Variants in CLUH observed in about 807,000 individuals in gnomAD.
CLUH encodes CLUH binding protein of NUMT mRNA.
In CLUH, 77 loss-of-function variants were observed where a neutral mutation model predicts 139.3. That is an observed-to-expected ratio of 0.55 (90% confidence interval 0.46 to 0.67). The LOEUF is 0.67. Among genes scored for constraint, CLUH ranks in the 30% least tolerant of loss-of-function variants. The pLI, the probability that CLUH is intolerant of heterozygous loss-of-function variation, is 0.00. For synonymous variants in CLUH, 999 were observed against 801.6 expected, an observed-to-expected ratio of 1.25 and a Z score of -4.16; for missense variants, 1,876 against 1,875.8, an observed-to-expected ratio of 1.00 and a Z score of 0.00.
intron 17 of CLUH, 40 bp downstream of exon 17, chr17:2,694,434 GGGGACA>G (rs1567581178): frequency 5.2e-5 from 4 of 77,548 alleles, no homozygotes; most frequent in Admixed American, 6.0e-4. Flanking sequence ...GGGACGCAGC[GGGGACA>G]CAGCGGGGAC....
At position 2,704,010 on chromosome 17, in the gene CLUH, C is replaced by A. The variant is rs1049643211; in HGVS notation, c.303+352G>T. ...GGAGATAACCCAATACTACCCTCCC[C>A]TCTGGCAGATGGTAAAATCACGGCC... On this transcript the variant is annotated intron_variant, in intron 2 of 25. Coordinates refer to ENST00000651024, the MANE Select transcript of CLUH (RefSeq NM_001366661.1). The surrounding 1 kb of genome is among the most constrained non-coding windows in gnomAD (Gnocchi z 5.7). Among the ~76,000 whole-genome samples the A allele has an allele frequency of 6.6e-6, 1 of 152,182 alleles. No individual in the cohort carries two copies. The highest frequency in any genetic ancestry group is 2.4e-5 in the African/African-American group (1 of 41,436).
rs766358416 is a variant in CLUH at position 2,692,825 on chromosome 17, G to A, written c.3267C>T (p.Ser1089=). ...GGTGCTCGGTGCCCATCACCCGCTCGCTCATCAGCACCGCCTTCTGCTGGT... is the reference window on the plus strand; with the variant it reads ...GGTGCTCGGTGCCCATCACCCGCTCACTCATCAGCACCGCCTTCTGCTGGT... ...LSNQQKAVLM[S]ERVMGTEHPN... is the part of the protein sequence containing the mutation. The change falls in exon 20 of 26, where the codon AGC becomes AGT. Residue 1089 remains serine, a synonymous_variant. Transcript: ENST00000651024. The A allele has an allele frequency of 2.2e-5, 35 of 1,603,734 alleles. No individual in the cohort carries two copies. Among genetic ancestry groups the A allele is most frequent in the South Asian group, 2.1e-4 (19 of 90,148 alleles).
intron 1 of CLUH, chr17:2,708,007 A>G (rs1371747699): frequency 1.0e-6 from 1 of 985,228 alleles, no homozygotes; most frequent in Non-Finnish European, 1.2e-6. Context: ...CGGCTCTGCC[A>G]GGAGGGAACC....
At chr17:2,692,988 C>T (rs972853290) in intron 19 of CLUH, 128 bp from the exon 20 acceptor site, 24 of 835,476 alleles carry the variant, frequency 2.9e-5, no homozygotes, top group Non-Finnish European at 4.2e-5. Context: ...GCGCCCAGCA[C>T]AGTGCAGCAG....
Position 2,691,998 on chromosome 17 carries a change from G to A in CLUH, c.3654+6C>T, listed in dbSNP as rs1007844824. 3 of 1,332,918 alleles carry A rather than the reference G, an allele frequency of 2.3e-6. No individual in the cohort carries two copies. Among genetic ancestry groups the A allele is most frequent in the Non-Finnish European group, 2.0e-6 (2 of 998,648 alleles). The allele number at this position is 1,332,918 out of a possible 1,614,324, so 82.6% of individuals were successfully genotyped here. A position where few individuals can be genotyped will look rare whatever the true frequency, so the allele number is the denominator to read the frequency against. On this transcript the variant is annotated splice_donor_region_variant and intron_variant, in intron 23 of 25. Coordinates refer to ENST00000651024, the MANE Select transcript of CLUH (RefSeq NM_001366661.1). ...CCCCCGCCCCCGCCACGCCCCCGCC[G>A]CGCACCTGCGTCTTGTAGATGGTGT...
At chr17:2,709,010 G>A (rs1219775936) in intron 1 of CLUH, among the ~76,000 whole-genome samples, 2 of 152,218 alleles carry the variant, frequency 1.3e-5, no homozygotes, top group South Asian at 2.1e-4. Flanking sequence ...CAGAGCGGGA[G>A]AGCCGTGCCC....
chr17:2,708,069 C>A (rs982521564), intron 1 of CLUH: 1 of 934,674 alleles, frequency 1.1e-6, no homozygotes, highest in Admixed American at 6.2e-5. Flanking sequence ...AGTGGCCGCA[C>A]GGCGGGGGAG....
chr17:2,694,530 G>A lies in CLUH; in HGVS notation c.2887C>T (p.Leu963=). The A allele has an allele frequency of 6.3e-7, 1 of 1,583,346 alleles. No homozygotes were observed. The highest frequency in any genetic ancestry group is 8.6e-7 in the Non-Finnish European group (1 of 1,165,230). Residue 963 remains leucine (L), a synonymous_variant, in exon 17 of 26, where the codon CTG becomes TTG. Coordinates refer to ENST00000651024, the MANE Select transcript of CLUH (RefSeq NM_001366661.1). ...TCCCGCAGGAGCGTTATCTTCTGCA[G>A]GCCGTAGGTCTCCACAGCCTGGTCC... is the stretch of plus-strand genomic sequence containing the variant. ...TVDQAVETYG[L]QKITLLREIS...
In CLUH at chr17:2,698,311, G is replaced by A; in HGVS notation, c.1546C>T (p.Arg516Cys). The A allele has an allele frequency of 6.2e-7, 1 of 1,612,706 alleles. No homozygotes were observed. ...YTLGTVVVDY[R>C]GYRVTAQSII... ...GACTGGGCCGTGACCCGGTAGCCGC[G>A]GTAATCCACCACCACCGTGCCCAGC... The change falls in exon 10 of 26, where the codon CGC (arginine) becomes TGC (cysteine). Residue 516 changes from arginine to cysteine, a missense_variant. This residue lies in a region of CLUH where 1,454 missense variants were observed against 1,384.4 expected (regional missense o/e 1.05). Transcript: ENST00000651024.
In CLUH at chr17:2,698,548, C is replaced by T. The variant is rs780236660; in HGVS notation, c.1309G>A (p.Ala437Thr). The T allele has an allele frequency of 6.2e-7, 1 of 1,610,550 alleles. No homozygotes were observed. The highest frequency in any genetic ancestry group is 1.1e-5 in the South Asian group (1 of 90,808). Residue 437 changes from alanine (A) to threonine (T), a missense_variant, in exon 10 of 26, where the codon GCC (alanine) becomes ACC (threonine). Ala to Thr is a moderately conservative substitution (Grantham distance 58). Coordinates refer to ENST00000651024, the MANE Select transcript of CLUH (RefSeq NM_001366661.1). ...GCCATCACGTTGCCGTCAATGACGG[C>T]CATGGCGCCCCTGGTGGCTGCCGCG... ...FTAAATRGAM[A>T]VIDGNVMAIN...
intron 1 of CLUH, chr17:2,711,301 C>T (rs1436247891): frequency 2.0e-5 from 3 of 152,180 alleles, no homozygotes; most frequent in South Asian, 2.1e-4. Flanking sequence ...GCGCACGTGT[C>T]CCCGCGATGA....
intron 7 of CLUH, 151 bp from the exon 8 acceptor site, chr17:2,700,976 GCGGCTGCTGTC>G: frequency 7.0e-7 from 1 of 1,432,908 alleles, no homozygotes; most frequent in Non-Finnish European, 9.3e-7. Flanking sequence ...CGCCTCTCCT[GCGGCTGCTGTC>G]TCGGCACTGG....
chr17:2,696,365 AG>A, intron 12 of CLUH, 68 bp downstream of exon 12: 1 of 1,515,118 alleles, frequency 6.6e-7, no homozygotes, highest in Non-Finnish European at 9.0e-7. Context: ...ACCAGCCCCA[AG>A]GGCCCAGGCC....
chr17:2,690,881 C>A, intron 25 of CLUH, 104 bp from the exon 26 acceptor site: 2 of 898,944 alleles, frequency 2.2e-6, no homozygotes, highest in South Asian at 2.7e-5. Context: ...GCGCTCTATT[C>A]AGTGGGGAAT....
Position 2,707,129 on chromosome 17 carries a change from TCC to T in CLUH, c.101-2567_101-2566del. 1.0e-6 allele frequency: 1 copy of T among 970,012 alleles called. No individual in the cohort carries two copies. The highest frequency in any genetic ancestry group is 1.2e-6 in the Non-Finnish European group (1 of 815,938). 60.1% of individuals were successfully genotyped at this position (970,012 alleles called of 1,614,324 possible). A position where few individuals can be genotyped will look rare whatever the true frequency, so the allele number is the denominator to read the frequency against. On this transcript the variant is annotated intron_variant, in intron 1 of 25. Coordinates refer to ENST00000651024, the MANE Select transcript of CLUH (RefSeq NM_001366661.1). The surrounding 1 kb of genome is among the most constrained non-coding windows in gnomAD (Gnocchi z 7.4). ...ACCCCTGGATGAAGGCTGAGCGATC[TCC>T]CCCGCAGGCAGCTGGCTGGCTCACC... is the stretch of plus-strand genomic sequence containing the variant.
At position 2,695,585 on chromosome 17, in the gene CLUH, C is replaced by T. The variant is rs573741146; in HGVS notation, c.2392-59G>A. The T allele has an allele frequency of 7.3e-6, 11 of 1,508,532 alleles. No homozygotes were observed. The East Asian group carries it at 2.7e-4, about 37-fold the overall frequency. 93.4% of individuals were successfully genotyped at this position (1,508,532 alleles called of 1,614,324 possible). A position where few individuals can be genotyped will look rare whatever the true frequency, so the allele number is the denominator to read the frequency against. On this transcript the variant is annotated intron_variant, in intron 13 of 25. Transcript: ENST00000651024. The stretch of plus-strand genomic sequence containing the variant: ...CTCCTCTGCCTCCACCCAACTGAGT[C>T]CTTCTGGGGGAGCACAGCTATCCTG...
intron 22 of CLUH, 57 bp from the exon 23 acceptor site, chr17:2,692,154 G>A: frequency 4.0e-6 from 6 of 1,515,456 alleles, no homozygotes; most frequent in South Asian, 1.2e-5. Flanking sequence ...GGGTGTGGGG[G>A]CCTGACTCGG....
chr17:2,698,268 A>G lies in CLUH; in HGVS notation c.1589T>C (p.Leu530Pro). 2 of 1,610,022 alleles carry G rather than the reference A, an allele frequency of 1.2e-6. No homozygotes were observed. Among genetic ancestry groups the G allele is most frequent in the Non-Finnish European group, 1.7e-6 (2 of 1,178,610 alleles). ...VTAQSIIPGI[L>P]ERDQEQSVIY... ...GACGCTCTGCTCCTGGTCCCGCTCC[A>G]GGATGCCGGGGATGATGGACTGGGC... The change falls in exon 10 of 26, where the codon CTG becomes CCG. Residue 530 changes from leucine to proline, a missense_variant. Around this residue, in one of 3 missense-constraint regions of CLUH, gnomAD observed 1,454 missense variants for 1,384.4 expected, o/e 1.05. Coordinates refer to ENST00000651024, the MANE Select transcript of CLUH (RefSeq NM_001366661.1).
At chr17:2,709,382 C>T (rs1270734645) in intron 1 of CLUH, among the ~76,000 whole-genome samples, 6 of 152,148 alleles carry the variant, frequency 3.9e-5, no homozygotes, top group African/African-American at 1.4e-4. Context: ...CCTTCCTGTC[C>T]CACCCAGGCC....
Sources: gnomAD v4.1 joint callset for allele counts (sites outside exome capture counted in the v4.1 genomes callset) on GRCh38, gnomAD v4.1.1 for gene constraint, gnomAD v4.1.1 regional missense constraint, Gnocchi (gnomAD v3.1) non-coding constraint, MANE v1.5 for transcripts, NCBI Gene and HGNC (gene_info 2026-07-23, HGNC 2026-07-21) for gene names.